MCC: variants seen among roughly 807,000 people sequenced by gnomAD.
MCC encodes the protein MCC regulator of Wnt signaling pathway.
MCC carries 90 observed loss-of-function variants against 116.2 expected under a neutral mutation model. That is an observed-to-expected ratio of 0.77 (90% CI 0.65 to 0.92). The LOEUF (loss-of-function observed/expected upper bound fraction) is 0.92. Among genes scored for constraint, MCC ranks in the 40% least tolerant of loss-of-function variants. The pLI is 0.00. For missense variants in MCC, 1,516 were observed against 1,312.2 expected (o/e 1.16, Z -2.40); for synonymous variants, 578 against 510.5 (o/e 1.13, Z -1.78).
chr5:113,386,045 G>A (rs915854988), intron 1 of MCC, among the ~76,000 whole-genome samples: 1 of 152,136 alleles, frequency 6.6e-6, no homozygotes, highest in African/African-American at 2.4e-5. Flanking sequence ...GAGGACATCG[G>A]TTTGATCCCT....
intron 2 of MCC, among the ~76,000 whole-genome samples, chr5:113,341,244 T>C (rs1000764518): frequency 1.2e-4 from 18 of 152,072 alleles, no homozygotes; most frequent in Non-Finnish European, 2.1e-4. Flanking sequence ...TTCTTTCTTT[T>C]TTTGAGGCAG....
chr5:113,212,800 T>C (rs1165469020), intron 3 of MCC, among the ~76,000 whole-genome samples: 1 of 152,150 alleles, frequency 6.6e-6, no homozygotes, highest in Non-Finnish European at 1.5e-5. Context: ...ACTTTCTAAA[T>C]TGCACAAGAT....
rs138681037 is a variant in MCC at position 113,167,497 on chromosome 5, T to C, written c.628-16075A>G. 5.9e-4 allele frequency among the ~76,000 whole-genome samples: 90 copies of C among 152,230 alleles called. 1 individual carries two copies. Among genetic ancestry groups the C allele is most frequent in the East Asian group, 4.6e-3 (24 of 5,182 alleles). On this transcript the variant is annotated intron_variant, in intron 3 of 18. Transcript: ENST00000408903. ...CTTCCTCATCCCCAAAATAACAGGC[T>C]AGAGTGAAAAAGGGAAAGAGAATCA...
At chr5:113,161,281 C>T (rs1581178853) in intron 3 of MCC, among the ~76,000 whole-genome samples, 1 of 152,148 alleles carries the variant, frequency 6.6e-6, no homozygotes, top group East Asian at 1.9e-4. Flanking sequence ...TTAAATCCAG[C>T]TAATCAGGGG....
At chr5:113,104,036 G>A (rs1756584363) in intron 7 of MCC, among the ~76,000 whole-genome samples, 156 bp downstream of exon 7, 1 of 151,678 alleles carries the variant, frequency 6.6e-6, no homozygotes, top group South Asian at 2.1e-4. Context: ...AATTTCTAGA[G>A]CCCCCGCTTC....
chr5:113,036,099 G>A (rs374683898), intron 17 of MCC, among the ~76,000 whole-genome samples: 48 of 123,116 alleles, frequency 3.9e-4, no homozygotes, highest in African/African-American at 1.4e-3. Flanking sequence ...GCAGTGGTGC[G>A]ATCTTGGGCT....
chr5:113,084,285 G>T (rs546734292), intron 9 of MCC, 95 bp from the exon 10 acceptor site: 28 of 943,240 alleles, frequency 3.0e-5, no homozygotes, highest in Admixed American at 2.4e-4. Flanking sequence ...TTTTAGCCAT[G>T]TCAACTAAAT....
At chr5:113,073,956 G>A (rs1197580936) in intron 11 of MCC, among the ~76,000 whole-genome samples, 2 of 152,200 alleles carry the variant, frequency 1.3e-5, no homozygotes, top group Admixed American at 6.5e-5. Context: ...CTGGGGGCAG[G>A]GCATAGCTGA....
intron 3 of MCC, among the ~76,000 whole-genome samples, chr5:113,276,790 C>T (rs1408081576): frequency 6.7e-6 from 1 of 148,796 alleles, no homozygotes; most frequent in South Asian, 2.1e-4. Flanking sequence ...CCACACCCAA[C>T]TAATTTTTCT....
intron 16 of MCC, 55 bp downstream of exon 16, chr5:113,049,037 GC>G: frequency 2.3e-6 from 2 of 881,498 alleles, no homozygotes. Flanking sequence ...TGGTCACTGG[GC>G]AGTCACTGGG....
intron 17 of MCC, among the ~76,000 whole-genome samples, chr5:113,035,141 T>A (rs1012511860): frequency 1.3e-5 from 2 of 152,106 alleles, no homozygotes; most frequent in Non-Finnish European, 2.9e-5. Context: ...CAACAGCCAC[T>A]CTCTCTCCTG....
chr5:113,085,141 C>G (rs748363966), intron 9 of MCC, 23 bp downstream of exon 9: 7 of 1,613,840 alleles, frequency 4.3e-6, no homozygotes, highest in Middle Eastern at 3.4e-4. Flanking sequence ...TCCCGCTCAT[C>G]GGGTCCATCC....
chr5:113,362,420 A>C (rs1768573150), intron 2 of MCC, among the ~76,000 whole-genome samples: 1 of 152,268 alleles, frequency 6.6e-6, no homozygotes, highest in Non-Finnish European at 1.5e-5. Context: ...TTTGAAAAGA[A>C]AGCATATCTT....
intron 14 of MCC, among the ~76,000 whole-genome samples, chr5:113,062,114 A>G (rs1753267858): frequency 6.6e-6 from 1 of 152,170 alleles, no homozygotes; most frequent in Non-Finnish European, 1.5e-5. Context: ...TTTAAGGAGA[A>G]TTGGGTGACA....
chr5:113,120,459 C>G (rs1381500292), intron 6 of MCC, among the ~76,000 whole-genome samples: 1 of 152,306 alleles, frequency 6.6e-6, no homozygotes, highest in African/African-American at 2.4e-5. Context: ...GACTACTGAT[C>G]GCTCCTTCCT....
intron 3 of MCC, among the ~76,000 whole-genome samples, chr5:113,227,631 T>C (rs1561470940): frequency 6.6e-6 from 1 of 152,230 alleles, no homozygotes; most frequent in African/African-American, 2.4e-5. Flanking sequence ...CATATGTTTC[T>C]ATAGACAGTA....
intron 15 of MCC, among the ~76,000 whole-genome samples, chr5:113,053,176 T>C (rs1476805147): frequency 6.6e-6 from 1 of 152,092 alleles, no homozygotes; most frequent in Non-Finnish European, 1.5e-5. Flanking sequence ...GTATCTCCAC[T>C]AGCAGCTGAA....
intron 18 of MCC, among the ~76,000 whole-genome samples, chr5:113,028,589 T>C (rs1011570918): frequency 7.9e-5 from 12 of 152,202 alleles, no homozygotes; most frequent in Non-Finnish European, 8.8e-5. Flanking sequence ...ATAAATTCCA[T>C]GGCTAATTTT....
chr5:113,060,112 A>C (rs1753114489), intron 14 of MCC, among the ~76,000 whole-genome samples: 1 of 152,068 alleles, frequency 6.6e-6, no homozygotes, highest in African/African-American at 2.4e-5. Context: ...ACCTGGCCCT[A>C]GCTGAGATCT....
Sources: gnomAD v4.1 joint callset for allele counts (sites outside exome capture counted in the v4.1 genomes callset) on GRCh38, gnomAD v4.1.1 for gene constraint, MANE v1.5 for transcripts, NCBI Gene and HGNC (gene_info 2026-07-23, HGNC 2026-07-21) for gene names.